Variants in CARF observed in about 807,000 individuals in gnomAD.
CARF encodes calcium-responsive transcription factor.
Under a neutral mutation model 82.0 loss-of-function variants are expected in CARF, and 57 were observed. The ratio of observed to expected loss-of-function variants is 0.70; its 90% CI spans 0.56 to 0.87. The LOEUF is 0.87. Among genes scored for constraint, CARF ranks in the 40% least tolerant of loss-of-function variants. CARF has a pLI of 0.00. For synonymous variants in CARF, 268 were observed against 290.1 expected (o/e 0.92, Z 0.77); for missense variants, 771 against 855.8 (o/e 0.90, Z 1.24).
chr2:202,966,701 C>T (rs1046097959), intron 9 of CARF, among the ~76,000 whole-genome samples: 7 of 151,150 alleles, frequency 4.6e-5, no homozygotes, highest in Admixed American at 1.3e-4. Flanking sequence ...CAGAGTGAGA[C>T]TCCGTCTCAA....
chr2:202,937,568 C>T (rs1014216000), intron 3 of CARF, among the ~76,000 whole-genome samples: 1 of 151,568 alleles, frequency 6.6e-6, no homozygotes, highest in Non-Finnish European at 1.5e-5. Flanking sequence ...TTTTCTCTTC[C>T]CTTCTATAAT....
At position 202,961,335 on chromosome 2, in the gene CARF, C is replaced by T. The variant is rs1383880269; in HGVS notation, c.741C>T (p.Thr247=). 6.2e-7 allele frequency: 1 copy of T among 1,614,176 alleles called. No individual in the cohort carries two copies. Among genetic ancestry groups the T allele is most frequent in the Non-Finnish European group, 8.5e-7 (1 of 1,180,026 alleles). Reference sequence around the variant, plus strand: ...AGCAAACACAGAGTGTTTGGGGGACCCGTCAGTCTCCAAGCCCAGCCAAGC... The same window carrying T: ...AGCAAACACAGAGTGTTTGGGGGACTCGTCAGTCTCCAAGCCCAGCCAAGC... ...HKQQTQSVWG[T]RQSPSPAKPA... is the part of the protein sequence containing the mutation. Residue 247 remains threonine (T), a synonymous_variant, in exon 9 of 17, where the codon ACC becomes ACT. Transcript: ENST00000438828.
chr2:202,942,241 G>A (rs887111407), intron 4 of CARF, among the ~76,000 whole-genome samples: 2 of 152,112 alleles, frequency 1.3e-5, no homozygotes, highest in African/African-American at 2.4e-5. Context: ...GGGCGTGGTG[G>A]TGGGTGCCTG....
chr2:202,972,033 TA>T (rs746357908), intron 12 of CARF, among the ~76,000 whole-genome samples: 16 of 152,206 alleles, frequency 1.1e-4, no homozygotes, highest in Non-Finnish European at 1.6e-4. Context: ...AAATAGTTAA[TA>T]AATACTTTTA....
rs1249368247 is a variant in CARF at position 202,982,390 on chromosome 2, G to C, written c.2008G>C (p.Gly670Arg). The C allele has an allele frequency of 1.2e-6, 2 of 1,613,974 alleles. No individual in the cohort carries two copies. Among genetic ancestry groups the C allele is most frequent in the African/African-American group, 2.7e-5 (2 of 74,900 alleles). The change falls in exon 16 of 17, where the codon GGA becomes CGA. Residue 670 changes from glycine to arginine, a missense_variant. By Grantham distance (125) the Gly-to-Arg change is moderately radical. Transcript: ENST00000438828. Reference protein sequence around the residue: ...LEGTVHRILLGDVQTIPIQII... With the variant: ...LEGTVHRILLRDVQTIPIQII... ...AGGAACTGTTCATCGGATTCTGTTG[G>C]GAGATGTGCAGACTATTCCAATACA...
intron 13 of CARF, among the ~76,000 whole-genome samples, chr2:202,976,318 G>C (rs1244608170): frequency 6.6e-6 from 1 of 151,904 alleles, no homozygotes; most frequent in African/African-American, 2.4e-5. Flanking sequence ...GGGATTACAG[G>C]TTTCAGCCAC....
intron 12 of CARF, among the ~76,000 whole-genome samples, chr2:202,972,670 C>T (rs1253600576): frequency 2.4e-5 from 2 of 82,924 alleles, no homozygotes; most frequent in South Asian, 5.7e-4. Context: ...AGCGAGACTC[C>T]GTCTAAAAAA....
intron 2 of CARF, among the ~76,000 whole-genome samples, chr2:202,923,643 C>G (rs1691258092): frequency 6.6e-6 from 1 of 152,110 alleles, no homozygotes; most frequent in Non-Finnish European, 1.5e-5. Context: ...TCATGTGGAA[C>G]TAAAAAAGAG....
chr2:202,942,368 C>T (rs529627949), intron 4 of CARF, among the ~76,000 whole-genome samples: 28 of 147,874 alleles, frequency 1.9e-4, no homozygotes, highest in Non-Finnish European at 3.4e-4. Flanking sequence ...AGAGAGACTC[C>T]GTCTCAAAAA....
chr2:202,915,768 G>GT (rs529670364), intron 1 of CARF, among the ~76,000 whole-genome samples: 115 of 149,224 alleles, frequency 7.7e-4, no homozygotes, highest in South Asian at 5.6e-3. Context: ...CACCTAGCCT[G>GT]TTTTTTTTTG....
At chr2:202,943,648 T>A (rs2058349431) in intron 5 of CARF, among the ~76,000 whole-genome samples, 1 of 105,368 alleles carries the variant, frequency 9.5e-6, no homozygotes, top group Admixed American at 9.8e-5. Context: ...CTAACTCCAG[T>A]TTTGTTTTTT....
At chr2:202,936,518 C>T (rs1317953308) in intron 3 of CARF, among the ~76,000 whole-genome samples, 2 of 152,134 alleles carry the variant, frequency 1.3e-5, no homozygotes, top group African/African-American at 4.8e-5. Flanking sequence ...TAAATAGAAT[C>T]ATATAATATG....
intron 5 of CARF, among the ~76,000 whole-genome samples, chr2:202,947,482 T>C (rs1272688044): frequency 6.7e-6 from 1 of 148,630 alleles, no homozygotes; most frequent in African/African-American, 2.5e-5. Context: ...GTCGGGGGGG[T>C]AGGGGGAAAG....
At chr2:202,960,477 T>A (rs1161175395) in intron 8 of CARF, among the ~76,000 whole-genome samples, 2 of 151,990 alleles carry the variant, frequency 1.3e-5, no homozygotes, top group African/African-American at 4.8e-5. Context: ...TTCGAACTCT[T>A]GACCTCAGGT....
At chr2:202,974,236 T>C (rs767041619) in intron 12 of CARF, 98 bp from the exon 13 acceptor site, 400 of 831,100 alleles carry the variant, frequency 4.8e-4, no homozygotes, top group Admixed American at 2.7e-3. Context: ...AACCATACTT[T>C]ATAGAAGTTT....
At position 202,983,707 on chromosome 2, in the gene CARF, T is replaced by C; in HGVS notation, c.*83T>C. The C allele has an allele frequency of 2.4e-6, 2 of 841,772 alleles. No homozygotes were observed. The highest frequency in any genetic ancestry group is 1.7e-5 in the African/African-American group (1 of 57,480). 52.1% of individuals were successfully genotyped at this position (841,772 alleles called of 1,614,324 possible). On this transcript the variant is annotated 3_prime_UTR_variant, in exon 17 of 17. Coordinates refer to ENST00000438828, the MANE Select transcript of CARF (RefSeq NM_024744.17). Reference sequence around the variant, plus strand: ...AGGTGAATATAGTCAAAGCGTGGCATTGAGATAATTGGACTGAAGACCAGT... The same window carrying C: ...AGGTGAATATAGTCAAAGCGTGGCACTGAGATAATTGGACTGAAGACCAGT...
intron 12 of CARF, among the ~76,000 whole-genome samples, chr2:202,972,751 G>A (rs1342300250): frequency 6.7e-6 from 1 of 149,648 alleles, no homozygotes; most frequent in African/African-American, 2.5e-5. Flanking sequence ...GCCTATTACC[G>A]TGATTTATGA....
chr2:202,915,851 G>A (rs979690185), intron 1 of CARF, among the ~76,000 whole-genome samples: 4 of 148,490 alleles, frequency 2.7e-5, no homozygotes, highest in South Asian at 2.1e-4. Context: ...CTCAAGATCC[G>A]CCCACTTTAG....
chr2:202,968,287 A>G (rs373779755), intron 10 of CARF, among the ~76,000 whole-genome samples: 2 of 152,276 alleles, frequency 1.3e-5, no homozygotes, highest in South Asian at 4.2e-4. Context: ...CTGTAATCCC[A>G]GCTACTCGGG....
Sources: gnomAD v4.1 joint callset for allele counts (sites outside exome capture counted in the v4.1 genomes callset) on GRCh38, gnomAD v4.1.1 for gene constraint, MANE v1.5 for transcripts, NCBI Gene and HGNC (gene_info 2026-07-23, HGNC 2026-07-21) for gene names.